Variants in STX5 observed in about 807,000 individuals in gnomAD.
STX5 encodes the protein syntaxin-5.
STX5 carries 15 observed loss-of-function variants against 42.9 expected under a neutral mutation model. The ratio of observed to expected loss-of-function variants is 0.35; its 90% CI spans 0.23 to 0.54. The LOEUF is 0.54. Ranked by LOEUF, STX5 falls within the 20% of genes least tolerant of loss-of-function variation. The pLI is 0.91. For missense variants in STX5, 430 were observed against 455.0 expected (o/e 0.95, Z 0.50); for synonymous variants, 184 against 173.2 (o/e 1.06, Z -0.49).
In STX5 at chr11:62,824,148, CGA is replaced by C. The variant is rs1565213365; in HGVS notation, c.908+16_908+17del. The C allele has an allele frequency of 3.1e-6, 5 of 1,614,036 alleles. No homozygotes were observed. The highest frequency in any genetic ancestry group is 4.2e-6 in the Non-Finnish European group (5 of 1,179,962). The stretch of plus-strand genomic sequence containing the variant: ...GAAGAGAAAGCTCCTCTGTTTGGGG[CGA>C]GAGAGTGTATCTCACCTCTGAATGG... On this transcript the variant is annotated intron_variant, in intron 10 of 10. Transcript: ENST00000294179.
intron 10 of STX5, among the ~76,000 whole-genome samples, chr11:62,821,938 A>AT (rs983860859): frequency 2.0e-5 from 3 of 152,160 alleles, no homozygotes; most frequent in Non-Finnish European, 4.4e-5. Flanking sequence ...AGGCAGGAGA[A>AT]TCACTTGGAC....
Position 62,824,462 on chromosome 11 carries a change from C to T in STX5, c.783G>A (p.Glu261=), listed in dbSNP as rs780723331. 6.2e-7 allele frequency: 1 copy of T among 1,614,080 alleles called. No homozygotes were observed. The highest frequency in any genetic ancestry group is 1.7e-5 in the Admixed American group (1 of 60,004). Residue 261 remains glutamate, a synonymous_variant, in exon 9 of 11, where the codon GAG becomes GAA. Coordinates refer to ENST00000294179, the MANE Select transcript of STX5 (RefSeq NM_003164.5). ...RTSQQLQLID[E]QDSYIQSRAD... ...ACCTAGTTCAGAGCCTGGGTACCTG[C>T]TCGTCAATGAGCTGCAGCTGCTGGC...
intron 10 of STX5, among the ~76,000 whole-genome samples, chr11:62,817,410 A>T (rs1002941115): frequency 6.6e-6 from 1 of 152,192 alleles, no homozygotes; most frequent in Admixed American, 6.5e-5. Flanking sequence ...AAATTACATA[A>T]ACCACAGAGG....
rs779732663 is a variant in STX5, at chr11:62,830,541, CAG to C, written c.225+476_225+477del. ...CCAGCCTGTTGACAGAGTTGAAAAA[CAG>C]ATCTCAAAACAAAACAAAAACAACA... On this transcript the variant is annotated intron_variant, in intron 2 of 10. Coordinates refer to ENST00000294179, the MANE Select transcript of STX5 (RefSeq NM_003164.5). The C allele has an allele frequency of 8.8e-6, 4 of 456,716 alleles. No individual in the cohort carries two copies. In the East Asian group the frequency reaches 2.1e-4, roughly 24 times the overall value. The allele number at this position is 456,716 out of a possible 1,614,324, so 28.3% of individuals were successfully genotyped here.
At chr11:62,829,958 G>C (rs2084837366) in intron 2 of STX5, among the ~76,000 whole-genome samples, 1 of 150,964 alleles carries the variant, frequency 6.6e-6, no homozygotes, top group Admixed American at 6.6e-5. Flanking sequence ...CCAGCTACTC[G>C]AGAGGCTAAG....
intron 10 of STX5, among the ~76,000 whole-genome samples, chr11:62,814,783 G>A (rs1013559031): frequency 1.4e-4 from 21 of 151,470 alleles, no homozygotes; most frequent in African/African-American, 4.1e-4. Flanking sequence ...TAGTAGAAAC[G>A]GGGTTGCTCC....
At position 62,825,513 on chromosome 11, in the gene STX5, A is replaced by G; in HGVS notation, c.450T>C (p.Ile150=). 6.2e-7 allele frequency: 1 copy of G among 1,613,792 alleles called. No individual in the cohort carries two copies. The highest frequency in any genetic ancestry group is 8.5e-7 in the Non-Finnish European group (1 of 1,180,046). Residue 150 remains isoleucine, a synonymous_variant, in exon 6 of 11, where the codon ATT becomes ATC. Coordinates refer to ENST00000294179, the MANE Select transcript of STX5 (RefSeq NM_003164.5). ...CTCTCACGAAATCCTGGAGCTGAGC[A>G]ATTTGTTTGTTGAGGCTATTGATGT... is the stretch of plus-strand genomic sequence containing the variant. The part of the protein sequence containing the change: ...KQDINSLNKQ[I]AQLQDFVRAK...
At chr11:62,816,884 ACT>A (rs2084679838) in intron 10 of STX5, among the ~76,000 whole-genome samples, 1 of 151,092 alleles carries the variant, frequency 6.6e-6, no homozygotes, top group South Asian at 2.1e-4. Flanking sequence ...ACACAGCAAG[ACT>A]CTGTCTCAAA....
chr11:62,815,339 A>T (rs956630992), intron 10 of STX5, among the ~76,000 whole-genome samples: 9 of 151,454 alleles, frequency 5.9e-5, no homozygotes, highest in Non-Finnish European at 1.3e-4. Context: ...TTTATTTTTT[A>T]TTTTTTAGGA....
At chr11:62,820,800 G>A (rs1246830757) in intron 10 of STX5, among the ~76,000 whole-genome samples, 1 of 151,824 alleles carries the variant, frequency 6.6e-6, no homozygotes, top group Non-Finnish European at 1.5e-5. Context: ...GTGAGCCACT[G>A]CACCCGGCAC....
At chr11:62,821,306 CA>C (rs1243251081) in intron 10 of STX5, among the ~76,000 whole-genome samples, 1 of 150,434 alleles carries the variant, frequency 6.6e-6, no homozygotes, top group Non-Finnish European at 1.5e-5. Flanking sequence ...AACTCCATTT[CA>C]AAAAAAAGAA....
At chr11:62,829,427 A>AAAATAAATAAATAAATAAAT (rs56250621) in intron 2 of STX5, among the ~76,000 whole-genome samples, 2 of 148,784 alleles carry the variant, frequency 1.3e-5, no homozygotes, top group Non-Finnish European at 3.0e-5. Context: ...TCCCATCTCA[A>AAAATAAATAAATAAATAAAT]AAATAAATAA....
intron 2 of STX5, chr11:62,830,636 A>G: frequency 2.1e-6 from 1 of 465,820 alleles, no homozygotes; most frequent in Admixed American, 2.6e-5. Context: ...AGATTAACTA[A>G]TTTTCTCATG....
intron 10 of STX5, 59 bp from the exon 11 acceptor site, chr11:62,807,687 T>C (rs1199916501): frequency 3.1e-6 from 5 of 1,596,024 alleles, no homozygotes; most frequent in South Asian, 1.1e-5. Flanking sequence ...AAGAATGCTG[T>C]TGAAGTCCAT....
intron 10 of STX5, among the ~76,000 whole-genome samples, chr11:62,821,962 G>A (rs1488176368): frequency 6.6e-6 from 1 of 152,160 alleles, no homozygotes; most frequent in African/African-American, 2.4e-5. Context: ...GGAGGCAGAG[G>A]TTGCAGTGGG....
intron 2 of STX5, among the ~76,000 whole-genome samples, chr11:62,829,355 C>T (rs989204325): frequency 4.0e-5 from 6 of 151,708 alleles, no homozygotes; most frequent in Middle Eastern, 3.4e-3. Flanking sequence ...ACCCGGGAGG[C>T]GGAGGTTGCA....
chr11:62,824,983 AC>A, intron 8 of STX5, 52 bp downstream of exon 8: 1 of 1,583,436 alleles, frequency 6.3e-7, no homozygotes, highest in Non-Finnish European at 8.7e-7. Flanking sequence ...TGCCATCACA[AC>A]CAGAGTAAGT....
At chr11:62,826,791 A>G (rs1395382824) in intron 5 of STX5, among the ~76,000 whole-genome samples, 1 of 151,094 alleles carries the variant, frequency 6.6e-6, no homozygotes, top group Non-Finnish European at 1.5e-5. Flanking sequence ...GAGGCAGGAG[A>G]ATCGCTTGCA....
chr11:62,816,755 G>A (rs1422795677), intron 10 of STX5, among the ~76,000 whole-genome samples: 4 of 32 alleles, frequency 0.12, no homozygotes, highest in African/African-American at 0.25. Flanking sequence ...AGAATTAGCT[G>A]GGTATGGGGT....
Sources: gnomAD v4.1 joint callset for allele counts (sites outside exome capture counted in the v4.1 genomes callset) on GRCh38, gnomAD v4.1.1 for gene constraint, MANE v1.5 for transcripts, NCBI Gene and HGNC (gene_info 2026-07-23, HGNC 2026-07-21) for gene names.